AKR1C3: variants seen among roughly 807,000 people sequenced by gnomAD.
AKR1C3 encodes the protein aldo-keto reductase family 1 member C3, also known as 3-alpha hydroxysteroid dehydrogenase, type II.
A neutral mutation model predicts 43.6 loss-of-function variants in AKR1C3; 48 were observed. The ratio of observed to expected loss-of-function variants is 1.10; its 90% CI spans 0.87 to 1.40. AKR1C3 has a LOEUF of 1.40. Ranked by LOEUF, AKR1C3 falls within the 40% of genes most tolerant of loss-of-function variation. The pLI, the probability that AKR1C3 is intolerant of heterozygous loss-of-function variation, is 0.00. For synonymous variants in AKR1C3, 162 were observed against 139.6 expected (o/e 1.16, Z -1.13); for missense variants, 482 against 391.2 (o/e 1.23, Z -1.96).
intron 1 of AKR1C3, among the ~76,000 whole-genome samples, chr10:5,080,183 C>T (rs1260595723): frequency 2.8e-5 from 1 of 35,688 alleles, no homozygotes; most frequent in African/African-American, 3.1e-4. Context: ...GGAGTAAGAA[C>T]ATCTTAAGAT....
Position 5,055,950 on chromosome 10 carries a change from T to A in AKR1C3, c.84+7055T>A, listed in dbSNP as rs368090098. Among the ~76,000 whole-genome samples the A allele has an allele frequency of 1.1e-4, 17 of 152,328 alleles. No individual in the cohort carries two copies. The South Asian group carries it at 1.4e-3, about 13-fold the overall frequency. ...GATAAGCCAGTATAGGCTGTATTCG[T>A]TCCTTGCTGAGGGCCCTGGTCCCTC... On this transcript the variant is annotated intron_variant, in intron 1 of 8. Transcript: ENST00000439082.
At chr10:5,091,570 A>G (rs1231925886), upstream of AKR1C3, among the ~76,000 whole-genome samples, 2 of 151,842 alleles carry the variant, frequency 1.3e-5, no homozygotes, top group African/African-American at 4.8e-5. Flanking sequence ...TCCTTTCTCA[A>G]TTGCTCTTTT....
upstream of AKR1C3, chr10:5,093,514 G>A (rs1037209409): frequency 3.9e-5 from 6 of 152,080 alleles, no homozygotes; most frequent in Non-Finnish European, 8.8e-5. Flanking sequence ...TCCAAAGGAA[G>A]GAACAAGTGA....
At chr10:5,102,370 C>CG (rs35558480) in intron 6 of AKR1C3, 115 bp from the exon 7 acceptor site, 515,746 of 1,585,026 alleles carry the variant, frequency 0.33, 90,919 homozygotes, top group Non-Finnish European at 0.36. Flanking sequence ...TGGTGATGCT[C>CG]GGGGGCCTCG....
At chr10:5,090,076 A>G (rs1270361271), upstream of AKR1C3, among the ~76,000 whole-genome samples, 3 of 152,120 alleles carry the variant, frequency 2.0e-5, no homozygotes, top group African/African-American at 4.8e-5. Context: ...AGTAAGAGCC[A>G]GCTGTGCCAA....
At chr10:5,094,605 G>A in intron 1 of AKR1C3, 77 bp downstream of exon 1, 1 of 1,515,480 alleles carries the variant, frequency 6.6e-7, no homozygotes, top group Admixed American at 1.7e-5. Context: ...TGGGTTGTAA[G>A]GTTCGTGTTC....
intron 1 of AKR1C3, among the ~76,000 whole-genome samples, chr10:5,064,572 C>T (rs1324517638): frequency 2.0e-5 from 3 of 152,160 alleles, no homozygotes; most frequent in African/African-American, 7.2e-5. Flanking sequence ...GCAAAAGACA[C>T]TAGCAACAGA....
upstream of AKR1C3, among the ~76,000 whole-genome samples, chr10:5,091,597 T>C (rs1554784184): frequency 1.3e-5 from 2 of 152,138 alleles, no homozygotes; most frequent in African/African-American, 2.4e-5. Context: ...TCTGTAGTTA[T>C]TTTCTTTGTA....
intron 1 of AKR1C3, among the ~76,000 whole-genome samples, chr10:5,053,123 G>T (rs1554779143): frequency 1.3e-5 from 2 of 152,250 alleles, no homozygotes; most frequent in Non-Finnish European, 2.9e-5. Flanking sequence ...GGAGCTGCCT[G>T]CCAGTCCCGT....
chr10:5,098,019 G>T, intron 3 of AKR1C3: 1 of 1,003,964 alleles, frequency 1.0e-6, no homozygotes, highest in Non-Finnish European at 1.2e-6. Flanking sequence ...GACTTGCAAA[G>T]CTTTATTATT....
intron 1 of AKR1C3, among the ~76,000 whole-genome samples, chr10:5,058,793 C>T (rs782628222): frequency 3.9e-5 from 6 of 152,120 alleles, no homozygotes; most frequent in African/African-American, 7.2e-5. Context: ...GACACATTCT[C>T]GAAAACCTGC....
chr10:5,090,663 C>G (rs1554784025), upstream of AKR1C3, among the ~76,000 whole-genome samples: 1 of 152,048 alleles, frequency 6.6e-6, no homozygotes, highest in African/African-American at 2.4e-5. Context: ...ATATTGGTGT[C>G]ATCTGGTTGG....
intron 1 of AKR1C3, among the ~76,000 whole-genome samples, chr10:5,073,948 C>G (rs372101096): frequency 3.3e-5 from 5 of 152,210 alleles, no homozygotes; most frequent in African/African-American, 1.2e-4. Flanking sequence ...AAAAGTCAAG[C>G]TGGGAACTGC....
intron 1 of AKR1C3, among the ~76,000 whole-genome samples, chr10:5,059,935 T>C (rs1374900900): frequency 6.6e-6 from 1 of 152,152 alleles, no homozygotes; most frequent in Non-Finnish European, 1.5e-5. Context: ...AAAGGCAGCA[T>C]GTCTGGAGTT....
chr10:5,065,682 A>T (rs1487873884), intron 1 of AKR1C3, among the ~76,000 whole-genome samples: 1 of 152,218 alleles, frequency 6.6e-6, no homozygotes, highest in Admixed American at 6.5e-5. Context: ...TCCATTGGTT[A>T]CTTGCTGTAT....
In AKR1C3 at chr10:5,064,033, C is replaced by T. The variant is rs186897296; in HGVS notation, c.84+15138C>T. Among the ~76,000 whole-genome samples the T allele has an allele frequency of 3.9e-5, 6 of 152,256 alleles. No homozygotes were observed. The East Asian group carries it at 1.2e-3, about 29-fold the overall frequency. On this transcript the variant is annotated intron_variant, in intron 1 of 8. Coordinates refer to the AKR1C3 transcript ENST00000439082. The stretch of plus-strand genomic sequence containing the variant: ...TCATCAGAAGTGGAATCTATTTCAC[C>T]AAACCAGTTTCTTTGCTCATCCATA...
chr10:5,102,800 A>T lies in AKR1C3; in HGVS notation c.846+150A>T, dbSNP rs587771782. Reference sequence around the variant, plus strand: ...TGCGTGCATCCTGAGGGTTTCTTCTACTCTACCACGGGAGAGGCAGCACAG... The same window carrying T: ...TGCGTGCATCCTGAGGGTTTCTTCTTCTCTACCACGGGAGAGGCAGCACAG... On this transcript the variant is annotated intron_variant, in intron 7 of 8. Transcript: ENST00000380554. 1.5e-5 allele frequency: 22 copies of T among 1,464,136 alleles called. No individual in the cohort carries two copies. In the Admixed American group the frequency reaches 4.3e-4, roughly 29 times the overall value. 90.7% of individuals were successfully genotyped at this position (1,464,136 alleles called of 1,614,324 possible).
intron 7 of AKR1C3, among the ~76,000 whole-genome samples, chr10:5,103,194 T>C (rs1476817014): frequency 2.0e-5 from 3 of 152,216 alleles, no homozygotes; most frequent in African/African-American, 7.2e-5. Flanking sequence ...GGCCTCCTCT[T>C]CATCTTCAGA....
intron 7 of AKR1C3, 85 bp from the exon 8 acceptor site, chr10:5,105,503 TTTAAGTA>T: frequency 1.0e-6 from 1 of 953,342 alleles, no homozygotes; most frequent in Non-Finnish European, 1.6e-6. Context: ...TTACCAATAT[TTTAAGTA>T]TTGTCTCTGC....
Sources: allele counts gnomAD v4.1 joint callset (sites outside exome capture counted in the v4.1 genomes callset), GRCh38; gene constraint gnomAD v4.1.1; transcripts MANE v1.5; gene names NCBI Gene and HGNC (gene_info 2026-07-23, HGNC 2026-07-21).